The following LRP2 variants were observed in gnomAD, a reference collection of about 807,000 sequenced individuals.
LRP2 encodes the protein low-density lipoprotein receptor-related protein 2.
Under a neutral mutation model 531.0 loss-of-function variants are expected in LRP2, and 172 were observed. That is an observed-to-expected ratio of 0.32 (90% confidence interval 0.29 to 0.37). The LOEUF (loss-of-function observed/expected upper bound fraction) is 0.37. Among genes scored for constraint, LRP2 ranks in the 10% least tolerant of loss-of-function variants. The pLI is 1.00. For missense variants in LRP2, 5,167 were observed against 5,868.3 expected (o/e 0.88, Z 3.90); for synonymous variants, 1,992 against 2,027.6 (o/e 0.98, Z 0.47).
chr2:169,157,974 G>C (rs1225682307), intron 63 of LRP2, among the ~76,000 whole-genome samples: 2 of 145,634 alleles, frequency 1.4e-5, no homozygotes, highest in Non-Finnish European at 3.0e-5. Context: ...CATGGATACA[G>C]ATAGGTTAGA....
At chr2:169,154,387 C>T (rs1209946397) in intron 66 of LRP2, 73 bp downstream of exon 66, 2 of 1,381,250 alleles carry the variant, frequency 1.4e-6, no homozygotes, top group Non-Finnish European at 2.1e-6. Flanking sequence ...ACAATAAATT[C>T]CTTAAAAGTC....
At chr2:169,234,876 G>C (rs190372292) in intron 29 of LRP2, among the ~76,000 whole-genome samples, 1 of 151,098 alleles carries the variant, frequency 6.6e-6, no homozygotes, top group East Asian at 1.9e-4. Flanking sequence ...GTTATGTGAA[G>C]AACAAGACTG....
At chr2:169,153,343 G>A (rs1686213142) in intron 66 of LRP2, among the ~76,000 whole-genome samples, 1 of 152,174 alleles carries the variant, frequency 6.6e-6, no homozygotes, top group African/African-American at 2.4e-5. Context: ...AAGATCAGAG[G>A]CAATAAAGAA....
At chr2:169,172,932 G>A (rs1687056690) in intron 57 of LRP2, among the ~76,000 whole-genome samples, 164 bp downstream of exon 57, 1 of 152,168 alleles carries the variant, frequency 6.6e-6, no homozygotes, top group Admixed American at 6.5e-5. Flanking sequence ...CCTGCAAAAT[G>A]CTACAAAAAT....
At position 169,243,535 on chromosome 2, in the gene LRP2, G is replaced by GAA. The variant is rs1689890910; in HGVS notation, c.3431-15_3431-14dup. On this transcript the variant is annotated splice_polypyrimidine_tract_variant and intron_variant, in intron 22 of 78. Coordinates refer to ENST00000649046, the MANE Select transcript of LRP2 (RefSeq NM_004525.3). ...GTCTCTGTCGAATCTAATGTCATCC[G>GAA]AAAACAAAACCAACAAGTTTATTTC... 6.2e-7 allele frequency: 1 copy of GAA among 1,613,658 alleles called. No homozygotes were observed. Among genetic ancestry groups the GAA allele is most frequent in the African/African-American group, 1.3e-5 (1 of 74,886 alleles).
intron 66 of LRP2, among the ~76,000 whole-genome samples, chr2:169,153,196 C>T (rs1462726688): frequency 6.6e-6 from 1 of 152,182 alleles, no homozygotes; most frequent in African/African-American, 2.4e-5. Flanking sequence ...ATTTAGTCAT[C>T]TCTATTTAAA....
chr2:169,313,768 T>A (rs1051881301), intron 3 of LRP2, among the ~76,000 whole-genome samples: 2 of 152,186 alleles, frequency 1.3e-5, no homozygotes, highest in African/African-American at 4.8e-5. Context: ...CCGTCTTCTA[T>A]GTTGCTCACG....
chr2:169,247,653 C>G, intron 19 of LRP2, 138 bp from the exon 20 acceptor site: 1 of 939,174 alleles, frequency 1.1e-6, no homozygotes, highest in Non-Finnish European at 1.7e-6. Context: ...ATATGTTTCT[C>G]TAACCATTTT....
At chr2:169,165,755 G>C (rs1686758217) in intron 62 of LRP2, among the ~76,000 whole-genome samples, 177 bp downstream of exon 62, 1 of 152,180 alleles carries the variant, frequency 6.6e-6, no homozygotes, top group Admixed American at 6.5e-5. Flanking sequence ...GAAACAGGCA[G>C]GGTTACATGT....
At chr2:169,192,601 G>A (rs1405883580) in intron 47 of LRP2, among the ~76,000 whole-genome samples, 1 of 152,196 alleles carries the variant, frequency 6.6e-6, no homozygotes. Context: ...TTGGGGTGGA[G>A]AGGAAAGGCA....
chr2:169,175,400 A>G lies in LRP2; in HGVS notation c.10572-11T>C, dbSNP rs1460083923. On this transcript the variant is annotated splice_polypyrimidine_tract_variant and intron_variant, in intron 54 of 78. Coordinates refer to ENST00000649046, the MANE Select transcript of LRP2 (RefSeq NM_004525.3). ...CAGATAGGAATGCACCTGCACAGAG[A>G]ACATACAGCACTTCTTTAGCAAAGC... 2 of 1,613,382 alleles carry G rather than the reference A, an allele frequency of 1.2e-6. No individual in the cohort carries two copies. Among genetic ancestry groups the G allele is most frequent in the Admixed American group, 3.3e-5 (2 of 60,016 alleles).
In LRP2 at chr2:169,140,564, A is replaced by G; in HGVS notation, c.13109-19T>C. 1.3e-6 allele frequency: 2 copies of G among 1,588,262 alleles called. No individual in the cohort carries two copies. The highest frequency in any genetic ancestry group is 1.7e-6 in the Non-Finnish European group (2 of 1,156,566). ...TCGATGGCTGCAGGAAGGGAAAGCC[A>G]TGCAGGTGTTAGTCAGCTGTACTCA... On this transcript the variant is annotated intron_variant, in intron 71 of 78. Transcript: ENST00000649046.
chr2:169,283,133 G>A (rs1490041403), intron 9 of LRP2, 132 bp from the exon 10 acceptor site: 1 of 824,732 alleles, frequency 1.2e-6, no homozygotes, highest in Non-Finnish European at 2.1e-6. Flanking sequence ...TCTGGAATTA[G>A]GCACAGGTTC....
chr2:169,156,265 C>G lies in LRP2; in HGVS notation c.12151+9G>C. 4 of 1,613,492 alleles carry G rather than the reference C, an allele frequency of 2.5e-6. No homozygotes were observed. Among genetic ancestry groups the G allele is most frequent in the Non-Finnish European group, 3.4e-6 (4 of 1,179,538 alleles). On this transcript the variant is annotated intron_variant, in intron 65 of 78. Transcript: ENST00000649046. ...AAAGTCAATTAATCCCAACATGAAC[C>G]CATCATACCCTCAGCTGCACATCGT...
At chr2:169,189,903 C>T (rs1449470500) in intron 48 of LRP2, among the ~76,000 whole-genome samples, 2 of 151,714 alleles carry the variant, frequency 1.3e-5, no homozygotes. Flanking sequence ...AAGGAAGGAA[C>T]AATGGACGAA....
intron 63 of LRP2, among the ~76,000 whole-genome samples, chr2:169,161,232 T>C (rs995592567): frequency 6.6e-6 from 1 of 152,232 alleles, no homozygotes; most frequent in African/African-American, 2.4e-5. Flanking sequence ...AGGAAGTTAC[T>C]TAAGCTCTCT....
intron 20 of LRP2, 102 bp downstream of exon 20, chr2:169,247,276 G>T (rs1690045551): frequency 1.6e-6 from 2 of 1,242,936 alleles, no homozygotes; most frequent in Non-Finnish European, 2.3e-6. Context: ...ACTACCAGGA[G>T]CTAGACCTTT....
At chr2:169,228,926 C>T (rs1431485407) in intron 31 of LRP2, among the ~76,000 whole-genome samples, 3 of 152,094 alleles carry the variant, frequency 2.0e-5, no homozygotes, top group Non-Finnish European at 2.9e-5. Context: ...CACATTTCTA[C>T]GGAGCAAACG....
chr2:169,163,944 C>T (rs888655156), intron 62 of LRP2, among the ~76,000 whole-genome samples: 1 of 152,164 alleles, frequency 6.6e-6, no homozygotes, highest in Non-Finnish European at 1.5e-5. Flanking sequence ...CAATAAATAC[C>T]CTCCACTCCC....
Sources: allele counts gnomAD v4.1 joint callset (sites outside exome capture counted in the v4.1 genomes callset), GRCh38; gene constraint gnomAD v4.1.1; transcripts MANE v1.5; gene names NCBI Gene and HGNC (gene_info 2026-07-23, HGNC 2026-07-21).